LUZP2: variants seen among roughly 807,000 people sequenced by gnomAD.
LUZP2 encodes leucine zipper protein 2.
In LUZP2, 52 loss-of-function variants were observed where a neutral mutation model predicts 51.6. The ratio of observed to expected loss-of-function variants is 1.01; its 90% CI spans 0.81 to 1.27. LUZP2 has a LOEUF of 1.27. Ranked by LOEUF, LUZP2 falls within the 50% of genes most tolerant of loss-of-function variation. The pLI, the probability that LUZP2 is intolerant of heterozygous loss-of-function variation, is 0.00. For missense variants in LUZP2, 436 were observed against 395.4 expected (o/e 1.10, Z -0.87); for synonymous variants, 154 against 137.3 (o/e 1.12, Z -0.85).
rs116275951 is a variant in LUZP2, at chr11:24,505,621, A to G, written c.62+8316A>G. ...TCATTGAGAAAAGCTCATGTGGCAT[A>G]GACAAGTTAGAATTGTTGATGAAGA... On this transcript the variant is annotated intron_variant, in intron 1 of 11. Coordinates refer to ENST00000336930, the MANE Select transcript of LUZP2 (RefSeq NM_001009909.4). Among the ~76,000 whole-genome samples the G allele has an allele frequency of 9.6e-3, 1,467 of 152,280 alleles. 28 individuals are homozygous for G. The highest frequency in any genetic ancestry group is 0.034 in the African/African-American group (1,396 of 41,574).
intron 1 of LUZP2, among the ~76,000 whole-genome samples, chr11:24,627,022 T>C (rs1021573314): frequency 1.3e-5 from 2 of 152,220 alleles, no homozygotes; most frequent in African/African-American, 4.8e-5. Flanking sequence ...TTGGTCCTTA[T>C]GTTATTAAAC....
At chr11:25,038,462 C>T (rs1857932550) in intron 9 of LUZP2, among the ~76,000 whole-genome samples, 1 of 152,202 alleles carries the variant, frequency 6.6e-6, no homozygotes, top group Non-Finnish European at 1.5e-5. Flanking sequence ...TCACACATAT[C>T]ACAAAATTGC....
intron 1 of LUZP2, among the ~76,000 whole-genome samples, chr11:24,728,156 C>T (rs922000702): frequency 1.3e-5 from 2 of 151,974 alleles, no homozygotes; most frequent in Non-Finnish European, 2.9e-5. Context: ...TACAATTGAA[C>T]TTGTCGACCC....
chr11:24,753,855 C>A (rs1461033239), intron 4 of LUZP2, among the ~76,000 whole-genome samples: 2 of 152,058 alleles, frequency 1.3e-5, no homozygotes, highest in African/African-American at 4.8e-5. Context: ...CAGACAATGC[C>A]ACGGATGGGT....
intron 1 of LUZP2, among the ~76,000 whole-genome samples, chr11:24,656,241 T>C (rs1285509568): frequency 6.6e-6 from 1 of 152,142 alleles, no homozygotes; most frequent in African/African-American, 2.4e-5. Flanking sequence ...CTAGATAATG[T>C]CAAAACAAGT....
intron 7 of LUZP2, among the ~76,000 whole-genome samples, chr11:24,918,591 C>G (rs561142234): frequency 4.0e-5 from 6 of 151,422 alleles, no homozygotes; most frequent in Middle Eastern, 6.8e-3. Context: ...TATGACAAAC[C>G]CACAGCCAAA....
intron 10 of LUZP2, among the ~76,000 whole-genome samples, chr11:25,059,477 A>G (rs776899612): frequency 7.9e-5 from 12 of 152,316 alleles, no homozygotes; most frequent in Non-Finnish European, 1.5e-4. Context: ...CATTCTAAAT[A>G]TACTACTTTA....
At chr11:24,750,342 A>G (rs1158385932) in intron 4 of LUZP2, among the ~76,000 whole-genome samples, 1 of 152,188 alleles carries the variant, frequency 6.6e-6, no homozygotes, top group Non-Finnish European at 1.5e-5. Context: ...AGGCATCCCT[A>G]TGAATACTGC....
chr11:24,787,991 C>T (rs767408681), intron 5 of LUZP2, among the ~76,000 whole-genome samples: 5 of 151,762 alleles, frequency 3.3e-5, no homozygotes, highest in Admixed American at 6.6e-5. Context: ...GCATTGTCCC[C>T]GTAAACTTTT....
At chr11:24,629,523 C>A (rs1229155345) in intron 1 of LUZP2, among the ~76,000 whole-genome samples, 4 of 139,984 alleles carry the variant, frequency 2.9e-5, no homozygotes, top group African/African-American at 1.1e-4. Flanking sequence ...TATATATATT[C>A]CATTGCATAT....
intron 7 of LUZP2, among the ~76,000 whole-genome samples, chr11:24,947,871 C>T (rs1178285096): frequency 6.6e-6 from 1 of 151,838 alleles, no homozygotes; most frequent in East Asian, 1.9e-4. Context: ...GTTTTCCTCT[C>T]GCTGCTTTCT....
intron 1 of LUZP2, among the ~76,000 whole-genome samples, chr11:24,643,793 C>T (rs1263173446): frequency 6.6e-6 from 1 of 152,136 alleles, no homozygotes; most frequent in Non-Finnish European, 1.5e-5. Flanking sequence ...ATAGTTTGTA[C>T]ACTATCTTTA....
chr11:24,691,145 G>C (rs1857052145), intron 1 of LUZP2, among the ~76,000 whole-genome samples: 1 of 151,798 alleles, frequency 6.6e-6, no homozygotes, highest in Non-Finnish European at 1.5e-5. Flanking sequence ...CATGTGTATT[G>C]CCACATGTTC....
intron 4 of LUZP2, among the ~76,000 whole-genome samples, chr11:24,759,282 A>G (rs1473326163): frequency 6.6e-6 from 1 of 152,142 alleles, no homozygotes; most frequent in Non-Finnish European, 1.5e-5. Context: ...TGTTCTTTCA[A>G]TCTTATTCAG....
chr11:24,835,786 C>G lies in LUZP2; in HGVS notation c.397-70205C>G, dbSNP rs372824012. ...TTAGCAATCTCAGTCTCCTTAATTCCTTAATATAGAACATAAATTCTTATA... is the reference window on the plus strand; with the variant it reads ...TTAGCAATCTCAGTCTCCTTAATTCGTTAATATAGAACATAAATTCTTATA... On this transcript the variant is annotated intron_variant, in intron 5 of 11. Coordinates refer to ENST00000336930, the MANE Select transcript of LUZP2 (RefSeq NM_001009909.4). Among the ~76,000 whole-genome samples the G allele has an allele frequency of 3.3e-5, 5 of 151,896 alleles. No homozygotes were observed. In the South Asian group the frequency reaches 1.0e-3, roughly 32 times the overall value.
intron 5 of LUZP2, among the ~76,000 whole-genome samples, chr11:24,855,185 C>A (rs1851521208): frequency 6.6e-6 from 1 of 152,162 alleles, no homozygotes; most frequent in African/African-American, 2.4e-5. Context: ...AAGAGGAAGT[C>A]AAATTATCTC....
In LUZP2 at chr11:24,676,036, C is replaced by G. The variant is rs557074384; in HGVS notation, c.63-53133C>G. 2.0e-5 allele frequency among the ~76,000 whole-genome samples: 3 copies of G among 152,082 alleles called. No individual in the cohort carries two copies. In the South Asian group the frequency reaches 6.2e-4, roughly 32 times the overall value. ...GTTTCACCATGTTGGTCAGGCTAGT[C>G]TCGAACTCCTAACCTCAAGTGATCT... On this transcript the variant is annotated intron_variant, in intron 1 of 11. Transcript: ENST00000336930.
chr11:24,667,242 G>A (rs568519008), intron 1 of LUZP2, among the ~76,000 whole-genome samples: 16 of 144,078 alleles, frequency 1.1e-4, no homozygotes, highest in Non-Finnish European at 1.8e-4. Context: ...GGAGTGCAGT[G>A]GCACGATCTC....
intron 1 of LUZP2, among the ~76,000 whole-genome samples, chr11:24,683,607 G>A (rs1856811867): frequency 6.6e-6 from 1 of 151,990 alleles, no homozygotes; most frequent in Non-Finnish European, 1.5e-5. Flanking sequence ...ACTTTACATA[G>A]CATATTTAAT....
Sources: gnomAD v4.1 joint callset for allele counts (sites outside exome capture counted in the v4.1 genomes callset) on GRCh38, gnomAD v4.1.1 for gene constraint, MANE v1.5 for transcripts, NCBI Gene and HGNC (gene_info 2026-07-23, HGNC 2026-07-21) for gene names.